Variants in PROS1 observed in about 807,000 individuals in gnomAD.
The protein encoded by PROS1 is protein S.
PROS1 carries 29 observed loss-of-function variants against 75.9 expected under a neutral mutation model. The observed-to-expected ratio is 0.38, with a 90% CI of 0.28 to 0.52. The LOEUF (loss-of-function observed/expected upper bound fraction) is 0.52, where lower values mean the gene tolerates loss of function less well. Ranked by LOEUF, PROS1 falls within the 20% of genes least tolerant of loss-of-function variation. The pLI is 0.83. For synonymous variants in PROS1, 245 were observed against 280.6 expected (o/e 0.87, Z 1.27); for missense variants, 680 against 810.3 (o/e 0.84, Z 1.95).
chr3:93,964,663 T>A (rs1172834839), intron 1 of PROS1, among the ~76,000 whole-genome samples: 1 of 152,190 alleles, frequency 6.6e-6, no homozygotes, highest in Admixed American at 6.5e-5. Context: ...TTGTTCTCCC[T>A]TTTGCCCTTT....
intron 1 of PROS1, among the ~76,000 whole-genome samples, chr3:93,950,535 G>C (rs1410108546): frequency 2.6e-5 from 4 of 152,174 alleles, no homozygotes; most frequent in African/African-American, 9.6e-5. Flanking sequence ...AATATTTGCT[G>C]TTCTGCAGCC....
At chr3:93,951,455 A>G (rs1246345229) in intron 1 of PROS1, among the ~76,000 whole-genome samples, 3 of 152,228 alleles carry the variant, frequency 2.0e-5, no homozygotes, top group Non-Finnish European at 4.4e-5. Flanking sequence ...ATTCTTAAAG[A>G]AAAGAATTTT....
intron 1 of PROS1, among the ~76,000 whole-genome samples, chr3:93,954,785 A>T (rs1709570332): frequency 6.6e-6 from 1 of 152,354 alleles, no homozygotes; most frequent in Non-Finnish European, 1.5e-5. Flanking sequence ...CAGAGTGAAC[A>T]GGCAACCTAC....
intron 1 of PROS1, among the ~76,000 whole-genome samples, chr3:93,957,846 G>T (rs1709628825): frequency 6.6e-6 from 1 of 152,068 alleles, no homozygotes; most frequent in South Asian, 2.1e-4. Context: ...TCACAGTTCT[G>T]CTGGAGGCTG....
intron 14 of PROS1, among the ~76,000 whole-genome samples, chr3:93,876,014 A>T (rs774484080): frequency 6.6e-5 from 10 of 152,260 alleles, no homozygotes; most frequent in Non-Finnish European, 1.2e-4. Flanking sequence ...ATCTCCATCC[A>T]TGCAACTGCT....
chr3:93,932,349 T>C (rs1709118597), intron 1 of PROS1, among the ~76,000 whole-genome samples: 1 of 152,222 alleles, frequency 6.6e-6, no homozygotes, highest in South Asian at 2.1e-4. Flanking sequence ...ATCCAAACCC[T>C]GTCCTCTTTT....
intron 12 of PROS1, among the ~76,000 whole-genome samples, chr3:93,879,739 G>A (rs544717972): frequency 6.6e-6 from 1 of 152,242 alleles, no homozygotes; most frequent in East Asian, 1.9e-4. Context: ...CACTCCAAAG[G>A]ATAAATATGA....
At chr3:93,882,153 C>T (rs1576174530) in intron 12 of PROS1, among the ~76,000 whole-genome samples, 1 of 152,114 alleles carries the variant, frequency 6.6e-6, no homozygotes, top group East Asian at 1.9e-4. Context: ...AAAGCATACA[C>T]TTTCTCATTC....
chr3:93,917,557 C>T (rs1346754158), intron 3 of PROS1, among the ~76,000 whole-genome samples: 1 of 152,184 alleles, frequency 6.6e-6, no homozygotes, highest in Non-Finnish European at 1.5e-5. Context: ...TGTGGGAGCC[C>T]CTTTCTGGGC....
intron 13 of PROS1, among the ~76,000 whole-genome samples, chr3:93,877,630 G>T (rs1708211256): frequency 6.6e-6 from 1 of 152,150 alleles, no homozygotes; most frequent in East Asian, 1.9e-4. Flanking sequence ...GTTTCTTTGT[G>T]CCACACAAGC....
At chr3:93,903,744 A>G (rs2107167473) in intron 6 of PROS1, among the ~76,000 whole-genome samples, 1 of 152,234 alleles carries the variant, frequency 6.6e-6, no homozygotes, top group East Asian at 1.9e-4. Flanking sequence ...AATGGGTACT[A>G]TTTGTTTACA....
At chr3:93,956,470 C>T (rs757345284) in intron 1 of PROS1, among the ~76,000 whole-genome samples, 11 of 151,484 alleles carry the variant, frequency 7.3e-5, no homozygotes, top group Non-Finnish European at 1.5e-4. Flanking sequence ...GCATTCCAGC[C>T]TGGGCAACAG....
At chr3:93,946,816 T>A (rs1709408635) in intron 1 of PROS1, among the ~76,000 whole-genome samples, 4 of 124,048 alleles carry the variant, frequency 3.2e-5, no homozygotes, top group Admixed American at 2.6e-4. Flanking sequence ...GGGATCTAAT[T>A]AAACTAAAGA....
intron 1 of PROS1, among the ~76,000 whole-genome samples, chr3:93,951,989 C>T (rs1709506355): frequency 6.6e-6 from 1 of 152,112 alleles, no homozygotes; most frequent in Admixed American, 6.5e-5. Context: ...CAAAGAAGTC[C>T]ATTACATAAT....
At chr3:93,927,907 G>GTGTGTGTATATATA (rs1709046337) in intron 1 of PROS1, among the ~76,000 whole-genome samples, 1 of 136,488 alleles carries the variant, frequency 7.3e-6, no homozygotes. Flanking sequence ...ATATGTGTGT[G>GTGTGTGTATATATA]TGTGTGTATA....
chr3:93,920,719 A>G (rs1309845707), intron 3 of PROS1, among the ~76,000 whole-genome samples: 3 of 152,194 alleles, frequency 2.0e-5, no homozygotes, highest in Non-Finnish European at 4.4e-5. Flanking sequence ...AACTATACCT[A>G]AATTTTATTC....
rs770939909 is a variant in PROS1 at position 93,877,180 on chromosome 3, T to C, written c.1656A>G (p.Leu552=). 2.5e-6 allele frequency: 4 copies of C among 1,595,306 alleles called. No individual in the cohort carries two copies. The highest frequency in any genetic ancestry group is 2.2e-5 in the East Asian group (1 of 44,766). The change falls in exon 14 of 15, where the codon TTA becomes TTG. Residue 552 remains leucine, a synonymous_variant. Transcript: ENST00000394236. ...STSEKSQDIL[L]SVENTVIYRI... ...GATATATTACAGTATTTTCAACAGATAACAGAATATCCTGAAGAGCAGAGC... is the reference window on the plus strand; with the variant it reads ...GATATATTACAGTATTTTCAACAGACAACAGAATATCCTGAAGAGCAGAGC...
intron 2 of PROS1, among the ~76,000 whole-genome samples, chr3:93,925,030 G>A (rs1708997061): frequency 6.6e-6 from 1 of 152,114 alleles, no homozygotes; most frequent in Non-Finnish European, 1.5e-5. Flanking sequence ...TTATGTACAT[G>A]TAGTACCTTA....
At chr3:93,944,137 A>T (rs1709340346) in intron 1 of PROS1, among the ~76,000 whole-genome samples, 1 of 152,220 alleles carries the variant, frequency 6.6e-6, no homozygotes, top group South Asian at 2.1e-4. Context: ...TAATAAATGT[A>T]CAGAGAACTA....
Sources: allele counts gnomAD v4.1 joint callset (sites outside exome capture counted in the v4.1 genomes callset), GRCh38; gene constraint gnomAD v4.1.1; transcripts MANE v1.5; gene names NCBI Gene and HGNC (gene_info 2026-07-23, HGNC 2026-07-21).